The following TNRC6A variants were observed in gnomAD, a reference collection of about 807,000 sequenced individuals.
TNRC6A encodes the protein trinucleotide repeat-containing gene 6A protein.
A neutral mutation model predicts 221.2 loss-of-function variants in TNRC6A; 44 were observed. That is an observed-to-expected ratio of 0.20 (90% confidence interval 0.16 to 0.26). The LOEUF (loss-of-function observed/expected upper bound fraction) is 0.26, where lower values mean the gene tolerates loss of function less well. Ranked by LOEUF, TNRC6A falls within the 10% of genes least tolerant of loss-of-function variation. The pLI is 1.00. For missense variants in TNRC6A, 2,199 were observed against 2,404.4 expected (o/e 0.91, Z 1.79); for synonymous variants, 847 against 838.5 (o/e 1.01, Z -0.18).
At chr16:24,759,272 G>T (rs2057314348) in intron 4 of TNRC6A, among the ~76,000 whole-genome samples, 1 of 152,038 alleles carries the variant, frequency 6.6e-6, no homozygotes, top group Non-Finnish European at 1.5e-5. Context: ...AGATAGATAG[G>T]GGCCAGGTCA....
At chr16:24,633,147 A>G (rs1226543814) in intron 1 of TNRC6A, among the ~76,000 whole-genome samples, 1 of 152,074 alleles carries the variant, frequency 6.6e-6, no homozygotes, top group Non-Finnish European at 1.5e-5. Context: ...ACTTGAACCT[A>G]CCAAGCTTGC....
rs561203381 is a variant in TNRC6A at position 24,744,683 on chromosome 16, A to G, written c.54-6043A>G. 2.6e-5 allele frequency among the ~76,000 whole-genome samples: 4 copies of G among 152,266 alleles called. No individual in the cohort carries two copies. The South Asian group carries it at 6.2e-4, about 24-fold the overall frequency. ...CCTTACTGCTACCTGTTTGTATGCT[A>G]TTCTCCTTCCTTCCTAAGGGGAAGA... On this transcript the variant is annotated intron_variant, in intron 2 of 24. Coordinates refer to ENST00000395799, the MANE Select transcript of TNRC6A (RefSeq NM_014494.4).
intron 2 of TNRC6A, chr16:24,664,747 G>T (rs1233880428): frequency 2.9e-5 from 9 of 313,526 alleles, no homozygotes; most frequent in Admixed American, 2.5e-4. Flanking sequence ...TGTGTATAGG[G>T]TGCCTTGCAG....
chr16:24,806,114 G>GT, intron 15 of TNRC6A, 92 bp from the exon 16 acceptor site: 1 of 1,415,968 alleles, frequency 7.1e-7, no homozygotes, highest in Non-Finnish European at 9.8e-7. Flanking sequence ...AGATCACGTC[G>GT]TGCCTCTGTA....
chr16:24,811,692 T>C (rs566564756), intron 18 of TNRC6A, among the ~76,000 whole-genome samples: 2 of 151,934 alleles, frequency 1.3e-5, no homozygotes, highest in Admixed American at 6.6e-5. Context: ...GGGTGCAGTG[T>C]GGAGAATTGG....
chr16:24,665,110 G>A lies in TNRC6A; in HGVS notation n.402+24101G>A, dbSNP rs144023763. On this transcript the variant is annotated intron_variant and non_coding_transcript_variant, in intron 2 of 2. Coordinates refer to the TNRC6A transcript ENST00000566108. Reference sequence around the variant, plus strand: ...AGACAAGGTCTCACTCTGTTGCCTAGCCTGGAGTGCAGTGGTTCGTGCAAT... The same window carrying A: ...AGACAAGGTCTCACTCTGTTGCCTAACCTGGAGTGCAGTGGTTCGTGCAAT... 5.9e-3 allele frequency: 2,376 copies of A among 399,646 alleles called. 16 individuals are homozygous for A. The highest frequency in any genetic ancestry group is 0.01 in the Non-Finnish European group (2,003 of 196,446). 24.8% of individuals were successfully genotyped at this position (399,646 alleles called of 1,614,324 possible). A position where few individuals can be genotyped will look rare whatever the true frequency, so the allele number is the denominator to read the frequency against.
At chr16:24,615,712 A>C (rs935063409) in intron 1 of TNRC6A, among the ~76,000 whole-genome samples, 1 of 152,198 alleles carries the variant, frequency 6.6e-6, no homozygotes, top group Non-Finnish European at 1.5e-5. Flanking sequence ...CAGAGTGCTT[A>C]CTGAGAACCC....
rs1265189288 is a variant in TNRC6A, at chr16:24,794,713, A to T, written c.3522A>T (p.Ser1174=). 1 of 1,608,464 alleles carries T rather than the reference A, an allele frequency of 6.2e-7. No individual in the cohort carries two copies. The highest frequency in any genetic ancestry group is 8.5e-7 in the Non-Finnish European group (1 of 1,178,096). The stretch of plus-strand genomic sequence containing the variant: ...GGCCACCATATACAAAGAAAATGTC[A>T]TCGAAGGTAAACATTTCAAGGGCAA... ...LNWPPYTKKM[S]SKGLSGKKRR... Residue 1174 remains serine, a synonymous_variant, in exon 8 of 25, where the codon TCA becomes TCT. Coordinates refer to ENST00000395799, the MANE Select transcript of TNRC6A (RefSeq NM_014494.4).
intron 2 of TNRC6A, among the ~76,000 whole-genome samples, chr16:24,744,985 G>A (rs2056972540): frequency 6.6e-6 from 1 of 152,004 alleles, no homozygotes; most frequent in Non-Finnish European, 1.5e-5. Context: ...GGGTGTAGAG[G>A]AGACCTTTGT....
intron 4 of TNRC6A, among the ~76,000 whole-genome samples, chr16:24,768,327 G>T (rs552531893): frequency 8.6e-5 from 13 of 151,802 alleles, no homozygotes; most frequent in Admixed American, 2.0e-4. Flanking sequence ...CAGCTACTCG[G>T]GAGGCTGAGG....
rs556740452 is a variant in TNRC6A at position 24,734,707 on chromosome 16, T to C, written c.53+4407T>C. Among the ~76,000 whole-genome samples, 6 of 152,356 alleles carry C rather than the reference T, an allele frequency of 3.9e-5. No homozygotes were observed. In the South Asian group the frequency reaches 8.3e-4, roughly 21 times the overall value. ...ATTTTATTTTATATTGCACAATAGA[T>C]AAAATATAATTTTGGTTTCTCCTTT... is the stretch of plus-strand genomic sequence containing the variant. On this transcript the variant is annotated intron_variant, in intron 2 of 24. Transcript: ENST00000395799.
rs1163319523 is a variant in TNRC6A at position 24,670,251 on chromosome 16, G to A, written n.402+29242G>A. ...AGGCGTGAGCCACCACACCCAGCCA[G>A]CTGTTCTTATTATCTCCATTTTACA... On this transcript the variant is annotated intron_variant and non_coding_transcript_variant, in intron 2 of 2. Transcript: ENST00000566108. Among the ~76,000 whole-genome samples, 5 of 152,048 alleles carry A rather than the reference G, an allele frequency of 3.3e-5. No individual in the cohort carries two copies. The East Asian group carries it at 9.7e-4, about 30-fold the overall frequency.
intron 2 of TNRC6A, among the ~76,000 whole-genome samples, chr16:24,715,605 CTTT>C (rs58843836): frequency 6.3e-5 from 8 of 127,224 alleles, no homozygotes; most frequent in African/African-American, 1.7e-4. Flanking sequence ...TGAGTAGTTT[CTTT>C]TTTTTTTTTT....
chr16:24,823,028 G>C lies in TNRC6A; in HGVS notation c.5513+15G>C. 3 of 1,614,196 alleles carry C rather than the reference G, an allele frequency of 1.9e-6. No homozygotes were observed. Among genetic ancestry groups the C allele is most frequent in the Non-Finnish European group, 1.7e-6 (2 of 1,180,014 alleles). On this transcript the variant is annotated intron_variant, in intron 24 of 24. Coordinates refer to ENST00000395799, the MANE Select transcript of TNRC6A (RefSeq NM_014494.4). The surrounding 1 kb of genome is among the most constrained non-coding windows in gnomAD (Gnocchi z 4.3). ...TCTCTGCACATGTAAGTTGGCTGTT[G>C]GGCTCCCAGTTGGAAGAGTCTAGGG...
At chr16:24,776,201 TC>T in intron 4 of TNRC6A, 1 of 925,170 alleles carries the variant, frequency 1.1e-6, no homozygotes, top group Non-Finnish European at 1.3e-6. Context: ...GGCATTTCCA[TC>T]CGTTTTATTT....
At chr16:24,729,394 G>A (rs1186819690), upstream of TNRC6A, among the ~76,000 whole-genome samples, 2 of 149,454 alleles carry the variant, frequency 1.3e-5, no homozygotes, top group Non-Finnish European at 3.0e-5. Context: ...GAGGAGGAGG[G>A]GAGGGACTCC....
At position 24,732,572 on chromosome 16, in the gene TNRC6A, A is replaced by T. The variant is rs144587376; in HGVS notation, c.53+2272A>T. Among the ~76,000 whole-genome samples the T allele has an allele frequency of 1.8e-4, 27 of 152,334 alleles. No homozygotes were observed. The East Asian group carries it at 5.2e-3, about 29-fold the overall frequency. On this transcript the variant is annotated intron_variant, in intron 2 of 24. Coordinates refer to ENST00000395799, the MANE Select transcript of TNRC6A (RefSeq NM_014494.4). ...TAAGTAACTTGGAGGAGACCATATC[A>T]CTGGTAATTGGAGTAACTTTTTAGG...
chr16:24,615,834 T>C (rs932099896), intron 1 of TNRC6A, among the ~76,000 whole-genome samples: 15 of 151,924 alleles, frequency 9.9e-5, no homozygotes, highest in Non-Finnish European at 1.5e-5. Context: ...GAGACAAGCC[T>C]GGGCAACATA....
Position 24,804,815 on chromosome 16 carries a change from A to T in TNRC6A, c.3948A>T (p.Ala1316=). ...ALPNQALGSI[A]GLGMQNLNSV... ...CTAACCAGGCCCTTGGCTCCATAGC[A>T]GGGCTGGGTATGCAAAACTTGAATT... is the stretch of plus-strand genomic sequence containing the variant. The change falls in exon 13 of 25, where the codon GCA becomes GCT. Residue 1316 remains alanine, a synonymous_variant. Coordinates refer to ENST00000395799, the MANE Select transcript of TNRC6A (RefSeq NM_014494.4). 6.2e-7 allele frequency: 1 copy of T among 1,612,414 alleles called. No homozygotes were observed. The highest frequency in any genetic ancestry group is 8.5e-7 in the Non-Finnish European group (1 of 1,179,634).
Sources: allele counts gnomAD v4.1 joint callset (sites outside exome capture counted in the v4.1 genomes callset), GRCh38; gene constraint gnomAD v4.1.1; non-coding constraint Gnocchi (gnomAD v3.1); transcripts MANE v1.5; gene names NCBI Gene and HGNC (gene_info 2026-07-23, HGNC 2026-07-21).